The following STXBP6 variants were observed in gnomAD, a reference collection of about 807,000 sequenced individuals.
STXBP6 encodes syntaxin-binding protein 6.
Under a neutral mutation model 26.9 loss-of-function variants are expected in STXBP6, and 21 were observed. The ratio of observed to expected loss-of-function variants is 0.78; its 90% CI spans 0.55 to 1.12. The LOEUF is 1.12. Ranked by LOEUF, STXBP6 falls within the 50% of genes most tolerant of loss-of-function variation. The probability of loss-of-function intolerance (pLI) is 0.00; values close to 1 mark genes in which losing one functional copy is unlikely to be tolerated. For missense variants in STXBP6, 232 were observed against 257.9 expected (o/e 0.90, Z 0.69); for synonymous variants, 97 against 92.6 (o/e 1.05, Z -0.27).
intron 2 of STXBP6, among the ~76,000 whole-genome samples, chr14:24,898,456 A>G (rs958128407): frequency 2.6e-5 from 4 of 152,182 alleles, no homozygotes; most frequent in African/African-American, 9.7e-5. Context: ...AGGCGGGTGG[A>G]TCACGAGGTC....
At chr14:24,829,790 C>T (rs1256086836) in intron 4 of STXBP6, among the ~76,000 whole-genome samples, 1 of 152,040 alleles carries the variant, frequency 6.6e-6, no homozygotes, top group Admixed American at 6.6e-5. Context: ...TGTCCCCACC[C>T]CATGACCGGC....
chr14:24,992,854 A>T (rs549291355), intron 1 of STXBP6, among the ~76,000 whole-genome samples: 1 of 152,336 alleles, frequency 6.6e-6, no homozygotes, highest in East Asian at 1.9e-4. Context: ...TGATAACAGA[A>T]GCACAAACAA....
At chr14:24,813,306 T>C (rs183675663) in intron 5 of STXBP6, among the ~76,000 whole-genome samples, 18 of 152,302 alleles carry the variant, frequency 1.2e-4, no homozygotes, top group African/African-American at 4.1e-4. Flanking sequence ...TTGGTGTTTG[T>C]AAAACACGGT....
intron 2 of STXBP6, among the ~76,000 whole-genome samples, chr14:24,936,236 G>A (rs2072592619): frequency 6.6e-6 from 1 of 152,128 alleles, no homozygotes; most frequent in African/African-American, 2.4e-5. Context: ...TTTCAACACT[G>A]TTGTTTCCTG....
intron 4 of STXBP6, among the ~76,000 whole-genome samples, chr14:24,845,639 C>T (rs888773185): frequency 1.3e-5 from 2 of 152,102 alleles, no homozygotes; most frequent in Non-Finnish European, 2.9e-5. Flanking sequence ...GAGTATATTA[C>T]AGCTTTCAGA....
chr14:24,831,715 T>C (rs907904636), intron 4 of STXBP6, among the ~76,000 whole-genome samples: 4 of 152,190 alleles, frequency 2.6e-5, no homozygotes, highest in East Asian at 1.9e-4. Context: ...CCAGCCCAAA[T>C]TGGTTCTTAG....
At chr14:24,907,408 T>C (rs1413169442) in intron 2 of STXBP6, among the ~76,000 whole-genome samples, 2 of 152,162 alleles carry the variant, frequency 1.3e-5, no homozygotes, top group Non-Finnish European at 2.9e-5. Context: ...GCAAAGAGCA[T>C]TAAAAGAGCA....
At chr14:25,006,057 A>T (rs2074889962) in intron 1 of STXBP6, among the ~76,000 whole-genome samples, 1 of 152,216 alleles carries the variant, frequency 6.6e-6, no homozygotes, top group Non-Finnish European at 1.5e-5. Flanking sequence ...ATCCAAACTC[A>T]TCACTGTCAA....
At chr14:24,864,628 A>C (rs961642178) in intron 2 of STXBP6, among the ~76,000 whole-genome samples, 1 of 152,172 alleles carries the variant, frequency 6.6e-6, no homozygotes, top group Non-Finnish European at 1.5e-5. Context: ...CAAAGGGAAA[A>C]AAAAGGGACT....
intron 2 of STXBP6, among the ~76,000 whole-genome samples, chr14:24,968,560 C>G (rs2073807345): frequency 6.6e-6 from 1 of 152,114 alleles, no homozygotes. Context: ...AAAGAATTTT[C>G]TCAAACCCTC....
chr14:24,955,128 T>C (rs1317645420), intron 2 of STXBP6, among the ~76,000 whole-genome samples: 1 of 152,184 alleles, frequency 6.6e-6, no homozygotes, highest in African/African-American at 2.4e-5. Flanking sequence ...CATCCAAAAG[T>C]TCTTTGTTGC....
At chr14:24,929,769 C>T (rs2072313923) in intron 2 of STXBP6, among the ~76,000 whole-genome samples, 1 of 152,202 alleles carries the variant, frequency 6.6e-6, no homozygotes, top group African/African-American at 2.4e-5. Context: ...TCGCCCTGGG[C>T]ATCGCTCAAT....
chr14:24,878,684 G>T (rs2070237128), intron 2 of STXBP6: 2 of 351,088 alleles, frequency 5.7e-6, no homozygotes, highest in Non-Finnish European at 6.0e-6. Context: ...TGTGATAATG[G>T]CCTTTTCTTA....
In STXBP6 at chr14:24,810,351, T is replaced by G. The variant is rs1275027219; in HGVS notation, c.*2358A>C. The G allele has an allele frequency of 6.6e-6, 1 of 152,230 alleles. No homozygotes were observed. Among genetic ancestry groups the G allele is most frequent in the East Asian group, 1.9e-4 (1 of 5,200 alleles). 9.4% of individuals were successfully genotyped at this position (152,230 alleles called of 1,614,324 possible). A position where few individuals can be genotyped will look rare whatever the true frequency, so the allele number is the denominator to read the frequency against. On this transcript the variant is annotated 3_prime_UTR_variant, in exon 6 of 6. Transcript: ENST00000323944. Reference sequence around the variant, plus strand: ...CAAGAGGACAGCAAAGAACTTCACATGTGTTATCACTGGGCTCCTCTGCAA... The same window carrying G: ...CAAGAGGACAGCAAAGAACTTCACAGGTGTTATCACTGGGCTCCTCTGCAA...
intron 2 of STXBP6, among the ~76,000 whole-genome samples, chr14:24,899,801 C>CAAAAAAAA (rs56666133): frequency 9.2e-6 from 1 of 108,644 alleles, no homozygotes. Context: ...AAAAAAAAAG[C>CAAAAAAAA]AAAAAAAAAA....
intron 1 of STXBP6, among the ~76,000 whole-genome samples, chr14:24,986,195 T>C (rs773541380): frequency 7.2e-5 from 11 of 152,202 alleles, no homozygotes; most frequent in Admixed American, 2.0e-4. Context: ...CTCTAGCCCA[T>C]AGAGTTCTAA....
intron 1 of STXBP6, among the ~76,000 whole-genome samples, chr14:25,024,513 G>C (rs1158037021): frequency 1.3e-5 from 2 of 152,106 alleles, no homozygotes; most frequent in African/African-American, 2.4e-5. Context: ...CACCAGTCCA[G>C]CTCCTGGGAC....
intron 1 of STXBP6, among the ~76,000 whole-genome samples, chr14:25,019,800 T>A (rs1360322597): frequency 6.6e-6 from 1 of 152,156 alleles, no homozygotes; most frequent in African/African-American, 2.4e-5. Flanking sequence ...TAAGGATTTT[T>A]ATCACAACCG....
At chr14:24,918,452 CCACACACACACA>C (rs55810129) in intron 2 of STXBP6, among the ~76,000 whole-genome samples, 237 of 133,474 alleles carry the variant, frequency 1.8e-3, no homozygotes, top group African/African-American at 3.8e-3. Context: ...CACACCCCCA[CCACACACACACA>C]CACACACACA....
Sources: allele counts gnomAD v4.1 joint callset (sites outside exome capture counted in the v4.1 genomes callset), GRCh38; gene constraint gnomAD v4.1.1; transcripts MANE v1.5; gene names NCBI Gene and HGNC (gene_info 2026-07-23, HGNC 2026-07-21).